KCNJ18: variants seen among roughly 807,000 people sequenced by gnomAD.
The protein encoded by KCNJ18 is inward rectifier potassium channel 18.
In KCNJ18, 16 loss-of-function variants were observed where a neutral mutation model predicts 17.3. That is an observed-to-expected ratio of 0.92 (90% CI 0.62 to 1.40). KCNJ18 has a LOEUF of 1.40. KCNJ18 is among the 40% of genes most tolerant of loss of function. The probability of loss-of-function intolerance (pLI) is 0.00; values close to 1 mark genes in which losing one functional copy is unlikely to be tolerated. For synonymous variants in KCNJ18, 185 were observed against 262.6 expected (o/e 0.70, Z 2.86); for missense variants, 462 against 626.8 (o/e 0.74, Z 2.81).
At chr17:21,700,047 G>C (rs1324679662) in intron 2 of KCNJ18, among the ~76,000 whole-genome samples, 367 of 152,410 alleles carry the variant, frequency 2.4e-3, no homozygotes, top group Non-Finnish European at 4.5e-3. Flanking sequence ...CCTTCTGGAG[G>C]GTCCAGGAAT....
chr17:21,698,778 A>G (rs1905846886), intron 2 of KCNJ18, among the ~76,000 whole-genome samples: 1 of 152,130 alleles, frequency 6.6e-6, no homozygotes, highest in Non-Finnish European at 1.5e-5. Context: ...CTGTTCTTCA[A>G]GTGGACTGGT....
rs1364470312 is a variant in KCNJ18 at position 21,703,145 on chromosome 17, G to C, written c.359G>C (p.Arg120Pro). Residue 120 changes from arginine to proline, a missense_variant, in exon 3 of 3, where the codon CGC (arginine) becomes CCC (proline). By Grantham distance (103) the Arg-to-Pro change is moderately radical. Around this residue, in one of 5 missense-constraint regions of KCNJ18, gnomAD observed 237 missense variants for 259.4 expected, o/e 0.91. Transcript: ENST00000567955. ...CTGGAGCCGGCTGAGGGCCACGGCC[G>C]CACACCCTGTGTGATGCAGGTGCAC... is the stretch of plus-strand genomic sequence containing the variant. ...GDLEPAEGHG[R>P]TPCVMQVHGF... 3 of 1,610,180 alleles carry C rather than the reference G, an allele frequency of 1.9e-6. No individual in the cohort carries two copies. Among genetic ancestry groups the C allele is most frequent in the Middle Eastern group, 1.6e-4 (1 of 6,082 alleles).
At chr17:21,701,917 G>GAAAAAAGA (rs1555596412) in intron 2 of KCNJ18, among the ~76,000 whole-genome samples, 29 of 26,276 alleles carry the variant, frequency 1.1e-3, no homozygotes, top group African/African-American at 2.5e-3. Flanking sequence ...GTCTAAAAAA[G>GAAAAAAGA]AAAAAAAAAA....
chr17:21,703,795 C>T lies in KCNJ18; in HGVS notation c.1009C>T (p.Gln337Ter). 1.9e-6 allele frequency: 3 copies of T among 1,609,330 alleles called. No homozygotes were observed. In the South Asian group the frequency reaches 3.3e-5, roughly 18 times the overall value. ...FEPVLFEEKN[Q>*]YKIDYSHFHK... ...GCCCGTGCTCTTCGAGGAGAAGAAC[C>T]AGTACAAGATTGACTACTCGCACTT... Residue 337 changes from glutamine (Q) to a stop codon, truncating the protein, a stop_gained, in exon 3 of 3, where the codon CAG becomes TAG. Transcript: ENST00000567955. LOFTEE classifies it high-confidence loss of function.
intron 1 of KCNJ18, among the ~76,000 whole-genome samples, chr17:21,693,343 G>T (rs1160358464): frequency 2.0e-5 from 3 of 152,302 alleles, no homozygotes; most frequent in African/African-American, 7.2e-5. Flanking sequence ...AACAAATCCA[G>T]CTGGATTTGT....
intron 1 of KCNJ18, among the ~76,000 whole-genome samples, chr17:21,694,377 G>A (rs1450457414): frequency 0.098 from 10,966 of 111,700 alleles, no homozygotes; most frequent in African/African-American, 0.15. Context: ...TTTGACAGGT[G>A]GGGAAATTGC....
At chr17:21,699,948 G>A (rs1905888146) in intron 2 of KCNJ18, among the ~76,000 whole-genome samples, 1 of 152,292 alleles carries the variant, frequency 6.6e-6, no homozygotes, top group South Asian at 2.1e-4. Flanking sequence ...CCCGCTGGAA[G>A]TCCCTCAAGG....
chr17:21,701,551 C>G (rs1905951337), intron 2 of KCNJ18, among the ~76,000 whole-genome samples: 1 of 152,136 alleles, frequency 6.6e-6, no homozygotes, highest in Non-Finnish European at 1.5e-5. Context: ...GGTGGTGGGA[C>G]CCAGCTTGGG....
Position 21,703,092 on chromosome 17 carries a change from C to T in KCNJ18, c.306C>T (p.Phe102=). The T allele has an allele frequency of 2.5e-6, 4 of 1,612,884 alleles. No individual in the cohort carries two copies. The highest frequency in any genetic ancestry group is 3.4e-6 in the Non-Finnish European group (4 of 1,179,860). The stretch of plus-strand genomic sequence containing the variant: ...CCTGGCTGCTGTTCGGCGTCATCTT[C>T]TGGGTCATCGCGGTGGCACACGGTG... ...LASWLLFGVI[F]WVIAVAHGDL... Residue 102 remains phenylalanine (F), a synonymous_variant, in exon 3 of 3, where the codon TTC becomes TTT. Transcript: ENST00000567955.
chr17:21,703,972 C>T lies in KCNJ18; in HGVS notation c.1186C>T (p.Gln396Ter). 3 of 1,604,370 alleles carry T rather than the reference C, an allele frequency of 1.9e-6. No individual in the cohort carries two copies. The highest frequency in any genetic ancestry group is 8.5e-7 in the Non-Finnish European group (1 of 1,177,096). The change falls in exon 3 of 3, where the codon CAG (glutamine) becomes TAG (stop). Residue 396 changes from glutamine (Q) to a stop codon, truncating the protein, a stop_gained. Coordinates refer to ENST00000567955, the MANE Select transcript of KCNJ18 (RefSeq NM_001194958.2). LOFTEE classifies it low-confidence loss of function (END_TRUNC). ...CGAGGAGGATGAGGCGGACGGAGACCAGGACGGCCGAAGCCGGGATGGCCT... is the reference window on the plus strand; with the variant it reads ...CGAGGAGGATGAGGCGGACGGAGACTAGGACGGCCGAAGCCGGGATGGCCT... Reference protein sequence around the residue: ...RDEEDEADGDQDGRSRDGLSP... With the variant: ...RDEEDEADGD
At chr17:21,694,290 G>A (rs1370439136) in intron 1 of KCNJ18, among the ~76,000 whole-genome samples, 1 of 151,962 alleles carries the variant, frequency 6.6e-6, no homozygotes, top group Non-Finnish European at 1.5e-5. Context: ...GCTCACCGTG[G>A]AGATCCTCAG....
intron 2 of KCNJ18, among the ~76,000 whole-genome samples, chr17:21,697,302 G>T (rs1905789011): frequency 4.6e-5 from 7 of 152,308 alleles, no homozygotes. Flanking sequence ...CTCTCCTCGG[G>T]CCTAGCCTGC....
chr17:21,698,477 G>C (rs1354660581), intron 2 of KCNJ18, among the ~76,000 whole-genome samples: 2 of 152,038 alleles, frequency 1.3e-5, no homozygotes, highest in African/African-American at 4.8e-5. Flanking sequence ...GATGGGGGCT[G>C]TTGGCGCCTC....
At chr17:21,701,496 G>A (rs1483841317) in intron 2 of KCNJ18, among the ~76,000 whole-genome samples, 2 of 152,224 alleles carry the variant, frequency 1.3e-5, no homozygotes, top group Non-Finnish European at 2.9e-5. Context: ...CTTTGGCACT[G>A]CTGGTGACCA....
intron 2 of KCNJ18, among the ~76,000 whole-genome samples, chr17:21,697,875 G>A (rs1216609280): frequency 3.3e-5 from 5 of 152,312 alleles, no homozygotes; most frequent in Non-Finnish European, 7.3e-5. Context: ...AGTGGATGAA[G>A]CTCTGTGGCT....
chr17:21,702,069 T>A (rs1905975516), intron 2 of KCNJ18, among the ~76,000 whole-genome samples: 1 of 152,258 alleles, frequency 6.6e-6, no homozygotes, highest in Admixed American at 6.5e-5. Flanking sequence ...GTGCTGTGGA[T>A]ATAGCAGGGA....
intron 2 of KCNJ18, among the ~76,000 whole-genome samples, chr17:21,698,336 G>A (rs1905832454): frequency 2.6e-5 from 4 of 152,040 alleles, no homozygotes. Flanking sequence ...TGTGATGGAA[G>A]GGATTAAATG....
chr17:21,701,428 G>A (rs1206049735), intron 2 of KCNJ18, among the ~76,000 whole-genome samples: 1 of 152,284 alleles, frequency 6.6e-6, no homozygotes, highest in Non-Finnish European at 1.5e-5. Context: ...GGCTGGGGAG[G>A]GCCCTCGGCT....
intron 2 of KCNJ18, among the ~76,000 whole-genome samples, chr17:21,702,241 G>T (rs1438866217): frequency 6.6e-6 from 1 of 151,906 alleles, no homozygotes; most frequent in African/African-American, 2.4e-5. Flanking sequence ...GCTGGGAGGT[G>T]AAGTCCGAGG....
Sources: gnomAD v4.1 joint callset for allele counts (sites outside exome capture counted in the v4.1 genomes callset) on GRCh38, gnomAD v4.1.1 for gene constraint, gnomAD v4.1.1 regional missense constraint, MANE v1.5 for transcripts, NCBI Gene and HGNC (gene_info 2026-07-23, HGNC 2026-07-21) for gene names.